BMERB1: variants seen among roughly 807,000 people sequenced by gnomAD.
BMERB1 encodes the protein bMERB domain containing 1.
A neutral mutation model predicts 23.6 loss-of-function variants in BMERB1; 12 were observed. That is an observed-to-expected ratio of 0.51 (90% CI 0.33 to 0.82). BMERB1 has a LOEUF of 0.82. BMERB1 is among the 40% of genes least tolerant of loss of function. The probability of loss-of-function intolerance (pLI) is 0.03; values close to 1 mark genes in which losing one functional copy is unlikely to be tolerated. For synonymous variants in BMERB1, 122 were observed against 96.6 expected (o/e 1.26, Z -1.54); for missense variants, 247 against 255.4 (o/e 0.97, Z 0.22).
intron 2 of BMERB1, among the ~76,000 whole-genome samples, chr16:15,520,039 G>A (rs2051830530): frequency 1.3e-5 from 2 of 152,156 alleles, no homozygotes; most frequent in African/African-American, 2.4e-5. Context: ...TGAGTGCTAC[G>A]TCCCCTGCAT....
intron 3 of BMERB1, 129 bp downstream of exon 3, chr16:15,568,185 C>A: frequency 2.8e-6 from 2 of 705,784 alleles, no homozygotes; most frequent in Non-Finnish European, 2.4e-6. Context: ...CTGCATGTGT[C>A]AAACACAACT....
intron 1 of BMERB1, among the ~76,000 whole-genome samples, chr16:15,478,378 C>A (rs1051271936): frequency 6.6e-6 from 1 of 152,148 alleles, no homozygotes; most frequent in Non-Finnish European, 1.5e-5. Context: ...CCAAGCTGGT[C>A]TCGAACTCCT....
intron 2 of BMERB1, among the ~76,000 whole-genome samples, chr16:15,560,029 C>G (rs2030374195): frequency 6.6e-6 from 1 of 152,148 alleles, no homozygotes; most frequent in African/African-American, 2.4e-5. Flanking sequence ...CTAATTTGGA[C>G]AAGCTTGATT....
chr16:15,583,409 A>G (rs1441860447), intron 5 of BMERB1, among the ~76,000 whole-genome samples, 171 bp downstream of exon 5: 3 of 151,872 alleles, frequency 2.0e-5, no homozygotes, highest in Non-Finnish European at 4.4e-5. Flanking sequence ...GAAACCCCGT[A>G]TCTACCAAAA....
At chr16:15,547,495 A>G (rs2029957034) in intron 2 of BMERB1, among the ~76,000 whole-genome samples, 1 of 150,988 alleles carries the variant, frequency 6.6e-6, no homozygotes. Context: ...GGTGCCTGCC[A>G]CCACGCCCAG....
At chr16:15,519,035 T>G (rs1300405140) in intron 2 of BMERB1, among the ~76,000 whole-genome samples, 1 of 151,118 alleles carries the variant, frequency 6.6e-6, no homozygotes, top group Non-Finnish European at 1.5e-5. Context: ...GTGCAATAAA[T>G]TATTCTTTCT....
intron 2 of BMERB1, among the ~76,000 whole-genome samples, chr16:15,517,300 G>A (rs2051773145): frequency 1.3e-5 from 2 of 152,172 alleles, no homozygotes; most frequent in Admixed American, 1.3e-4. Context: ...CTTGAGGCCA[G>A]GAGTTTGAGA....
At chr16:15,534,317 A>G (rs1440457502) in intron 2 of BMERB1, among the ~76,000 whole-genome samples, 1 of 130,416 alleles carries the variant, frequency 7.7e-6, no homozygotes, top group Non-Finnish European at 1.7e-5. Context: ...AAAAAAAAAG[A>G]AAAGGCCAGG....
intron 1 of BMERB1, among the ~76,000 whole-genome samples, chr16:15,444,123 G>GTATTTTTTTTTTTTTTTTT (rs2050966394): frequency 2.8e-5 from 1 of 35,610 alleles, no homozygotes; most frequent in Non-Finnish European, 4.6e-5. Flanking sequence ...CACCAGCTTT[G>GTATTTTTTTTTTTTTTTTT]TTTTTTTTTT....
intron 1 of BMERB1, among the ~76,000 whole-genome samples, chr16:15,442,332 GAA>G (rs917043266): frequency 8.6e-6 from 1 of 116,906 alleles, no homozygotes; most frequent in Non-Finnish European, 1.9e-5. Context: ...ACTGTCTCAA[GAA>G]AAAAAAAAAA....
intron 2 of BMERB1, among the ~76,000 whole-genome samples, chr16:15,555,587 C>T (rs1308319843): frequency 6.6e-6 from 1 of 152,108 alleles, no homozygotes; most frequent in Non-Finnish European, 1.5e-5. Flanking sequence ...AAGGAAAGGC[C>T]AGTGTGACAG....
intron 1 of BMERB1, among the ~76,000 whole-genome samples, chr16:15,467,063 G>T (rs1053033058): frequency 6.6e-6 from 1 of 152,088 alleles, no homozygotes; most frequent in African/African-American, 2.4e-5. Context: ...ATATTCCATT[G>T]TATGGATGTA....
chr16:15,516,525 G>A (rs1428133703), intron 2 of BMERB1, among the ~76,000 whole-genome samples: 1 of 152,172 alleles, frequency 6.6e-6, no homozygotes, highest in African/African-American at 2.4e-5. Context: ...AAGGTTACAA[G>A]CAAAACCAAA....
rs530569078 is a variant in BMERB1 at position 15,545,770 on chromosome 16, G to T, written c.231-22213G>T. Among the ~76,000 whole-genome samples, 6 of 152,246 alleles carry T rather than the reference G, an allele frequency of 3.9e-5. No homozygotes were observed. The East Asian group carries it at 1.2e-3, about 29-fold the overall frequency. ...ATTGGCTGAGTCTGAGGAAGTGGGG[G>T]TGCTCCCTTGTTGAACTTCTCTAAT... is the stretch of plus-strand genomic sequence containing the variant. On this transcript the variant is annotated intron_variant, in intron 2 of 5. Coordinates refer to ENST00000300006, the MANE Select transcript of BMERB1 (RefSeq NM_033201.3).
chr16:15,494,854 T>C (rs555970689), intron 1 of BMERB1, among the ~76,000 whole-genome samples: 2 of 151,898 alleles, frequency 1.3e-5, no homozygotes, highest in Non-Finnish European at 2.9e-5. Context: ...TCAAGAAATG[T>C]TGGTAAATTT....
intron 5 of BMERB1, 48 bp downstream of exon 5, chr16:15,583,286 A>G (rs758244539): frequency 1.4e-6 from 2 of 1,460,218 alleles, no homozygotes; most frequent in Admixed American, 1.7e-5. Flanking sequence ...AGAGAAAAGT[A>G]TATTTCAGGC....
At chr16:15,434,837 G>C (rs1380291349) in intron 1 of BMERB1, 78 bp downstream of exon 1, 1 of 1,305,718 alleles carries the variant, frequency 7.7e-7, no homozygotes, top group Admixed American at 2.6e-5. Flanking sequence ...GCGGGAGCGC[G>C]AGGAACGCCA....
At position 15,477,636 on chromosome 16, in the gene BMERB1, C is replaced by T. The variant is rs150116406; in HGVS notation, c.107-37669C>T. 4.7e-4 allele frequency among the ~76,000 whole-genome samples: 71 copies of T among 151,960 alleles called. 1 individual carries two copies. Among genetic ancestry groups the T allele is most frequent in the Non-Finnish European group, 9.6e-4 (65 of 67,948 alleles). On this transcript the variant is annotated intron_variant, in intron 1 of 5. Transcript: ENST00000300006. ...ACAAAGTGAGATCATGGCTTAAAAA[C>T]AAAAATGAATAAAAAATCCTGTTGC...
At chr16:15,449,478 C>A (rs1449721490) in intron 1 of BMERB1, among the ~76,000 whole-genome samples, 1 of 152,114 alleles carries the variant, frequency 6.6e-6, no homozygotes, top group Non-Finnish European at 1.5e-5. Context: ...ATGAAATACA[C>A]CCTTGTAACA....
Sources: gnomAD v4.1 joint callset for allele counts (sites outside exome capture counted in the v4.1 genomes callset) on GRCh38, gnomAD v4.1.1 for gene constraint, MANE v1.5 for transcripts, NCBI Gene and HGNC (gene_info 2026-07-23, HGNC 2026-07-21) for gene names.